Variants in ZNF462 observed in about 807,000 individuals in gnomAD.
ZNF462 encodes zinc finger protein 462.
Under a neutral mutation model 201.9 loss-of-function variants are expected in ZNF462, and 10 were observed. The observed-to-expected ratio is 0.05, with a 90% CI of 0.03 to 0.08. ZNF462 has a LOEUF of 0.08. Among genes scored for constraint, ZNF462 ranks in the 10% least tolerant of loss-of-function variants. The probability of loss-of-function intolerance (pLI) is 1.00; values close to 1 mark genes in which losing one functional copy is unlikely to be tolerated. For synonymous variants in ZNF462, 1,227 were observed against 1,193.3 expected, an observed-to-expected ratio of 1.03 and a Z score of -0.58; for missense variants, 2,523 against 3,168.3, an observed-to-expected ratio of 0.80 and a Z score of 4.89.
intron 7 of ZNF462, among the ~76,000 whole-genome samples, chr9:106,951,032 G>C (rs1831322000): frequency 6.6e-6 from 1 of 151,434 alleles, no homozygotes; most frequent in South Asian, 2.1e-4. Context: ...AGAGGTTGCA[G>C]TGAGCCGAGA....
chr9:106,908,017 CT>C (rs558092819), intron 1 of ZNF462, among the ~76,000 whole-genome samples: 18 of 151,334 alleles, frequency 1.2e-4, no homozygotes, highest in African/African-American at 2.9e-4. Context: ...TTCTTTTTTT[CT>C]TTTTTTTAAC....
At chr9:106,896,857 G>T (rs1200640096) in intron 1 of ZNF462, among the ~76,000 whole-genome samples, 3 of 152,146 alleles carry the variant, frequency 2.0e-5, no homozygotes. Flanking sequence ...GTCAGTCTTG[G>T]CTGTGCCTCT....
chr9:106,878,255 A>G (rs533306099), intron 1 of ZNF462, among the ~76,000 whole-genome samples: 2 of 152,308 alleles, frequency 1.3e-5, no homozygotes, highest in East Asian at 3.9e-4. Context: ...GGCATAATGT[A>G]TGTAAAGCAT....
At chr9:106,988,365 C>T (rs924853420) in intron 10 of ZNF462, among the ~76,000 whole-genome samples, 3 of 152,076 alleles carry the variant, frequency 2.0e-5, no homozygotes, top group African/African-American at 7.2e-5. Context: ...AAACTGCCCA[C>T]GTGATTCAAT....
chr9:106,916,701 T>C (rs1026160866), intron 1 of ZNF462, among the ~76,000 whole-genome samples: 1 of 152,178 alleles, frequency 6.6e-6, no homozygotes, highest in Non-Finnish European at 1.5e-5. Flanking sequence ...CACTTACTCA[T>C]TCTTAGGACA....
At chr9:106,909,287 AT>A (rs2131283425) in intron 1 of ZNF462, among the ~76,000 whole-genome samples, 1 of 151,626 alleles carries the variant, frequency 6.6e-6, no homozygotes, top group Non-Finnish European at 1.5e-5. Context: ...CCATCTGTGT[AT>A]TTTATTATGG....
intron 7 of ZNF462, among the ~76,000 whole-genome samples, chr9:106,960,138 A>G (rs756761484): frequency 6.6e-6 from 1 of 152,112 alleles, no homozygotes; most frequent in African/African-American, 2.4e-5. Flanking sequence ...TTGATCAACC[A>G]TAGCCTTTCT....
At position 106,890,681 on chromosome 9, in the gene ZNF462, T is replaced by C. The variant is rs116089310; in HGVS notation, c.-31+27326T>C. 0.011 allele frequency among the ~76,000 whole-genome samples: 1,675 copies of C among 152,326 alleles called. 39 individuals carry two copies. The highest frequency in any genetic ancestry group is 0.038 in the African/African-American group (1,567 of 41,558). On this transcript the variant is annotated intron_variant, in intron 1 of 12. Coordinates refer to ENST00000277225, the MANE Select transcript of ZNF462 (RefSeq NM_021224.6). The surrounding 1 kb of genome is among the most constrained non-coding windows in gnomAD (Gnocchi z 4.2). ...GGGTCAGAGGGCATATGCTCTGATA[T>C]GGAATTTTGGAGGTCATTCCCTGCC...
At chr9:106,863,539 G>C (rs1827148801) in intron 1 of ZNF462, among the ~76,000 whole-genome samples, 184 bp downstream of exon 1, 1 of 150,522 alleles carries the variant, frequency 6.6e-6, no homozygotes, top group South Asian at 2.1e-4. Context: ...GAGAGAAGAG[G>C]AGGAGGGGGA....
At position 106,870,771 on chromosome 9, in the gene ZNF462, A is replaced by G. The variant is rs1827553360; in HGVS notation, c.-31+7416A>G. 6.6e-6 allele frequency among the ~76,000 whole-genome samples: 1 copy of G among 152,214 alleles called. No individual in the cohort carries two copies. The highest frequency in any genetic ancestry group is 6.5e-5 in the Admixed American group (1 of 15,276). ...GCCCAGGTGAGACAACTGTGTCAGAAGTAATAAAGCCCAGGATTTGTGGAG... is the reference window on the plus strand; with the variant it reads ...GCCCAGGTGAGACAACTGTGTCAGAGGTAATAAAGCCCAGGATTTGTGGAG... On this transcript the variant is annotated intron_variant, in intron 1 of 12. Coordinates refer to ENST00000277225, the MANE Select transcript of ZNF462 (RefSeq NM_021224.6). This position sits in a 1 kb window ranked among gnomAD's most constrained non-coding sequence, Gnocchi z 4.3.
rs1486131743 is a variant in ZNF462 at position 106,872,294 on chromosome 9, T to G, written c.-31+8939T>G. Among the ~76,000 whole-genome samples, 1 of 152,224 alleles carries G rather than the reference T, an allele frequency of 6.6e-6. No individual in the cohort carries two copies. The highest frequency in any genetic ancestry group is 1.5e-5 in the Non-Finnish European group (1 of 68,040). On this transcript the variant is annotated intron_variant, in intron 1 of 12. Transcript: ENST00000277225. The surrounding 1 kb of genome is among the most constrained non-coding windows in gnomAD (Gnocchi z 4.5). ...CTTCAGTGGTTTCTATCTTAAATAG[T>G]CTTCTCTGAAGACTAATTAGTATTT...
At position 106,984,042 on chromosome 9, in the gene ZNF462, G is replaced by A. The variant is rs182271881; in HGVS notation, c.6833-144G>A. 1.5e-6 allele frequency: 1 copy of A among 676,692 alleles called. No homozygotes were observed. Among genetic ancestry groups the A allele is most frequent in the Non-Finnish European group, 2.5e-6 (1 of 401,564 alleles). 41.9% of individuals were successfully genotyped at this position (676,692 alleles called of 1,614,324 possible). On this transcript the variant is annotated intron_variant, in intron 9 of 12. Transcript: ENST00000277225. This position sits in a 1 kb window ranked among gnomAD's most constrained non-coding sequence, Gnocchi z 6.4. ...ATGTTGTTTGGGGGTTAGGGGAGGGGCAGGGTGCATGTGTGTCAGTTCAAG... is the reference window on the plus strand; with the variant it reads ...ATGTTGTTTGGGGGTTAGGGGAGGGACAGGGTGCATGTGTGTCAGTTCAAG...
chr9:106,938,891 A>G lies in ZNF462; in HGVS notation c.6236-25A>G, dbSNP rs779316961. ...CCTTCTCCCCTCTTTTTCCTGTTCT[A>G]TTTCTTGTCACCATCCTCTTCCAGG... On this transcript the variant is annotated intron_variant, in intron 6 of 12. Transcript: ENST00000277225. The surrounding 1 kb of genome is among the most constrained non-coding windows in gnomAD (Gnocchi z 4.4). 1.6e-5 allele frequency: 25 copies of G among 1,576,874 alleles called. No homozygotes were observed. The Admixed American group carries it at 1.6e-4, about 10-fold the overall frequency.
At chr9:106,912,857 A>G (rs1829607738) in intron 1 of ZNF462, among the ~76,000 whole-genome samples, 1 of 152,214 alleles carries the variant, frequency 6.6e-6, no homozygotes, top group African/African-American at 2.4e-5. Context: ...AGGGAGGCTA[A>G]GAAGAAAAAA....
rs1472374652 is a variant in ZNF462 at position 107,010,962 on chromosome 9, A to G, written c.7453A>G (p.Thr2485Ala). ...IGIDFSLKNETVAICVVTADK... is the reference protein window; with the variant it reads ...IGIDFSLKNEAVAICVVTADK... ...GATAGACTTTTCCCTAAAGAATGAA[A>G]CAGTAGCCATCTGTGTAGTAACTGC... The change falls in exon 13 of 13, where the codon ACA becomes GCA. Residue 2485 changes from threonine to alanine, a missense_variant. This residue lies in a region of ZNF462 where 67 missense variants were observed against 63.2 expected (regional missense o/e 1.06). Coordinates refer to ENST00000277225, the MANE Select transcript of ZNF462 (RefSeq NM_021224.6). This position sits in a 1 kb window ranked among gnomAD's most constrained non-coding sequence, Gnocchi z 4.6. The G allele has an allele frequency of 1.9e-6, 3 of 1,613,668 alleles. No homozygotes were observed. In the South Asian group the frequency reaches 3.3e-5, roughly 18 times the overall value.
At chr9:106,945,874 A>G (rs1395553460) in intron 7 of ZNF462, among the ~76,000 whole-genome samples, 1 of 152,228 alleles carries the variant, frequency 6.6e-6, no homozygotes. Flanking sequence ...ACTCTGCCTC[A>G]GTGGCAAAGA....
intron 1 of ZNF462, among the ~76,000 whole-genome samples, chr9:106,866,206 A>T (rs1272867662): frequency 6.6e-6 from 1 of 152,218 alleles, no homozygotes; most frequent in Non-Finnish European, 1.5e-5. Context: ...GCAACTTACA[A>T]CAGCATTTTT....
intron 10 of ZNF462, among the ~76,000 whole-genome samples, chr9:106,991,883 A>AC (rs1828307452): frequency 7.0e-6 from 1 of 143,806 alleles, no homozygotes; most frequent in African/African-American, 2.6e-5. Context: ...CACACACACA[A>AC]CAATCAAAAT....
chr9:106,908,523 T>C (rs1044896815), intron 1 of ZNF462, among the ~76,000 whole-genome samples: 1 of 152,060 alleles, frequency 6.6e-6, no homozygotes, highest in African/African-American at 2.4e-5. Flanking sequence ...TTTTCAAACT[T>C]TTTGTATCAT....
Sources: gnomAD v4.1 joint callset for allele counts (sites outside exome capture counted in the v4.1 genomes callset) on GRCh38, gnomAD v4.1.1 for gene constraint, gnomAD v4.1.1 regional missense constraint, Gnocchi (gnomAD v3.1) non-coding constraint, MANE v1.5 for transcripts, NCBI Gene and HGNC (gene_info 2026-07-23, HGNC 2026-07-21) for gene names.